FMN2: variants seen among roughly 807,000 people sequenced by gnomAD.
FMN2 encodes formin-2.
A neutral mutation model predicts 142.3 loss-of-function variants in FMN2; 51 were observed. That is an observed-to-expected ratio of 0.36 (90% CI 0.29 to 0.45). The LOEUF is 0.45. Among genes scored for constraint, FMN2 ranks in the 20% least tolerant of loss-of-function variants. The pLI, the probability that FMN2 is intolerant of heterozygous loss-of-function variation, is 1.00. For missense variants in FMN2, 1,936 were observed against 2,122.8 expected (o/e 0.91, Z 1.73); for synonymous variants, 882 against 869.8 (o/e 1.01, Z -0.25).
intron 1 of FMN2, among the ~76,000 whole-genome samples, chr1:240,107,485 CAATTA>C (rs1025808501): frequency 4.6e-5 from 7 of 152,066 alleles, no homozygotes; most frequent in African/African-American, 1.7e-4. Context: ...ATAGATACAA[CAATTA>C]AATTAAAAAA....
At chr1:240,122,311 T>G (rs1400068782) in intron 1 of FMN2, among the ~76,000 whole-genome samples, 1 of 151,650 alleles carries the variant, frequency 6.6e-6, no homozygotes, top group African/African-American at 2.4e-5. Context: ...TCTCCCAGGC[T>G]AGAGTGCAGT....
chr1:240,306,654 G>A (rs757291516), intron 8 of FMN2, among the ~76,000 whole-genome samples: 1 of 152,180 alleles, frequency 6.6e-6, no homozygotes, highest in Non-Finnish European at 1.5e-5. Flanking sequence ...CACTGTTGAT[G>A]GACATCTAGG....
intron 1 of FMN2, among the ~76,000 whole-genome samples, chr1:240,095,282 A>G (rs984423106): frequency 6.6e-6 from 1 of 152,200 alleles, no homozygotes; most frequent in Non-Finnish European, 1.5e-5. Flanking sequence ...AATCATTAAT[A>G]TTAATGATAG....
chr1:240,380,770 C>A (rs1402063288), intron 14 of FMN2, among the ~76,000 whole-genome samples: 2 of 145,596 alleles, frequency 1.4e-5, no homozygotes, highest in Non-Finnish European at 3.0e-5. Context: ...GAGATTGAGA[C>A]CAAAAAAAAT....
At position 240,425,462 on chromosome 1, in the gene FMN2, C is replaced by G. The variant is rs193158959; in HGVS notation, c.4911-12599C>G. On this transcript the variant is annotated intron_variant, in intron 15 of 17. Coordinates refer to ENST00000319653, the MANE Select transcript of FMN2 (RefSeq NM_020066.5). ...CAGCTCATCTTTAGCTTACTCCCCC[C>G]ACCCCAGTTGCTTTTGTGGATCCAT... 2.2e-4 allele frequency among the ~76,000 whole-genome samples: 34 copies of G among 152,278 alleles called. No homozygotes were observed. In the East Asian group the frequency reaches 6.2e-3, roughly 28 times the overall value.
intron 16 of FMN2, among the ~76,000 whole-genome samples, chr1:240,442,625 G>A (rs1056186623): frequency 6.6e-6 from 1 of 152,172 alleles, no homozygotes; most frequent in Non-Finnish European, 1.5e-5. Context: ...ATAGTTTGGT[G>A]TATATAGATT....
At chr1:240,229,182 C>T (rs1272260074) in intron 6 of FMN2, among the ~76,000 whole-genome samples, 2 of 152,108 alleles carry the variant, frequency 1.3e-5, no homozygotes. Context: ...TCCATCAAGT[C>T]TTCATGGAGG....
At chr1:240,277,605 T>C (rs948663340) in intron 7 of FMN2, among the ~76,000 whole-genome samples, 7 of 148,382 alleles carry the variant, frequency 4.7e-5, no homozygotes, top group African/African-American at 1.8e-4. Context: ...CAATCTTGGC[T>C]TGCTGCAACC....
chr1:240,457,246 G>T (rs1374199511), intron 16 of FMN2, among the ~76,000 whole-genome samples: 1 of 152,174 alleles, frequency 6.6e-6, no homozygotes, highest in Non-Finnish European at 1.5e-5. Context: ...TGGATATCCT[G>T]AGACAAATCC....
intron 8 of FMN2, among the ~76,000 whole-genome samples, chr1:240,304,591 T>C (rs372873033): frequency 1.3e-5 from 2 of 152,232 alleles, no homozygotes; most frequent in African/African-American, 4.8e-5. Context: ...TCTGGCCGTT[T>C]AATCCCCCAG....
intron 2 of FMN2, among the ~76,000 whole-genome samples, chr1:240,156,371 G>A (rs1429027593): frequency 1.3e-5 from 2 of 152,140 alleles, no homozygotes; most frequent in South Asian, 2.1e-4. Flanking sequence ...CACTACTTCC[G>A]AAAATTTATT....
At chr1:240,424,762 C>T (rs769504712) in intron 15 of FMN2, among the ~76,000 whole-genome samples, 59 of 152,186 alleles carry the variant, frequency 3.9e-4, no homozygotes, top group Non-Finnish European at 6.6e-4. Context: ...GACAAAGCTC[C>T]ACCACTCTGG....
chr1:240,198,071 A>G (rs1329014535), intron 4 of FMN2, among the ~76,000 whole-genome samples: 1 of 152,208 alleles, frequency 6.6e-6, no homozygotes, highest in Non-Finnish European at 1.5e-5. Flanking sequence ...ACTGAGCTGC[A>G]CTTTCCATCC....
intron 2 of FMN2, 143 bp downstream of exon 2, chr1:240,123,488 GT>G (rs1224702789): frequency 9.7e-6 from 4 of 411,618 alleles, no homozygotes; most frequent in Non-Finnish European, 1.2e-5. Flanking sequence ...CAACAGCTCG[GT>G]ATGTCTGTTT....
chr1:240,434,398 T>C (rs1357137394), intron 15 of FMN2, among the ~76,000 whole-genome samples: 1 of 152,096 alleles, frequency 6.6e-6, no homozygotes, highest in Non-Finnish European at 1.5e-5. Context: ...AGTGGGTCTC[T>C]TTCGTGTTAT....
chr1:240,241,674 G>A (rs1253535457), intron 6 of FMN2, among the ~76,000 whole-genome samples: 1 of 152,038 alleles, frequency 6.6e-6, no homozygotes, highest in East Asian at 1.9e-4. Context: ...TATTCAACTT[G>A]ACTGTATTTA....
In FMN2 at chr1:240,207,447, C is replaced by G; in HGVS notation, c.2635C>G (p.Pro879Ala). ...GCCTGGCCTGGGCATGGTGCCTCCC[C>G]CACCTCCCCCTCTCCCTGGCATGAC... ...SMPGLGMVPP[P>A]PPPLPGMTVP... Residue 879 changes from proline to alanine, a missense_variant, in exon 5 of 18, where the codon CCA (proline) becomes GCA (alanine). Pro to Ala is a conservative substitution (Grantham distance 27, BLOSUM62 -1). Coordinates refer to ENST00000319653, the MANE Select transcript of FMN2 (RefSeq NM_020066.5). 6.2e-7 allele frequency: 1 copy of G among 1,613,580 alleles called. No individual in the cohort carries two copies. The highest frequency in any genetic ancestry group is 2.2e-5 in the East Asian group (1 of 44,834).
intron 16 of FMN2, among the ~76,000 whole-genome samples, chr1:240,442,058 G>A (rs964730084): frequency 1.3e-5 from 2 of 152,124 alleles, no homozygotes; most frequent in Admixed American, 1.3e-4. Context: ...TGTGAGTGTG[G>A]TTAGTCAGCC....
Position 240,093,685 on chromosome 1 carries a change from G to C in FMN2, c.1576G>C (p.Ala526Pro). The C allele has an allele frequency of 1.5e-6, 2 of 1,367,398 alleles. No individual in the cohort carries two copies. The highest frequency in any genetic ancestry group is 1.9e-6 in the Non-Finnish European group (2 of 1,066,966). The allele number at this position is 1,367,398 out of a possible 1,614,324, so 84.7% of individuals were successfully genotyped here. ...SPALAAKASG[A>P]PAAADGFQNV... ...AGCACTGGCCGCCAAGGCGTCTGGGGCCCCCGCGGCTGCGGATGGCTTCCA... is the reference window on the plus strand; with the variant it reads ...AGCACTGGCCGCCAAGGCGTCTGGGCCCCCCGCGGCTGCGGATGGCTTCCA... Residue 526 changes from alanine to proline, a missense_variant, in exon 1 of 18, where the codon GCC (alanine) becomes CCC (proline). By Grantham distance (27) the Ala-to-Pro change is conservative (BLOSUM62 -1). This residue lies in a region of FMN2 where 751 missense variants were observed against 791.8 expected (regional missense o/e 0.95). Coordinates refer to ENST00000319653, the MANE Select transcript of FMN2 (RefSeq NM_020066.5).
Sources: allele counts gnomAD v4.1 joint callset (sites outside exome capture counted in the v4.1 genomes callset), GRCh38; gene constraint gnomAD v4.1.1; regional missense constraint gnomAD v4.1.1; transcripts MANE v1.5; gene names NCBI Gene and HGNC (gene_info 2026-07-23, HGNC 2026-07-21).